Variants in PALS2 observed in about 807,000 individuals in gnomAD.
PALS2 encodes protein PALS2.
A neutral mutation model predicts 61.6 loss-of-function variants in PALS2; 27 were observed. The ratio of observed to expected loss-of-function variants is 0.44; its 90% CI spans 0.32 to 0.60. PALS2 has a LOEUF of 0.60. Among genes scored for constraint, PALS2 ranks in the 20% least tolerant of loss-of-function variants. The pLI, the probability that PALS2 is intolerant of heterozygous loss-of-function variation, is 0.05. For synonymous variants in PALS2, 236 were observed against 218.6 expected, an observed-to-expected ratio of 1.08 and a Z score of -0.70; for missense variants, 554 against 639.4, an observed-to-expected ratio of 0.87 and a Z score of 1.44.
intron 5 of PALS2, among the ~76,000 whole-genome samples, chr7:24,651,992 G>A (rs1786177123): frequency 6.6e-6 from 1 of 152,068 alleles, no homozygotes; most frequent in East Asian, 1.9e-4. Flanking sequence ...TGAAATGAAG[G>A]TAGTTTTGTG....
intron 1 of PALS2, among the ~76,000 whole-genome samples, chr7:24,599,144 A>G (rs965757404): frequency 6.6e-6 from 1 of 152,162 alleles, no homozygotes; most frequent in Non-Finnish European, 1.5e-5. Context: ...GATTGTACTA[A>G]CACACACATA....
intron 1 of PALS2, among the ~76,000 whole-genome samples, chr7:24,584,027 T>C (rs1782956471): frequency 6.7e-6 from 1 of 150,234 alleles, no homozygotes; most frequent in African/African-American, 2.4e-5. Context: ...TTCCATGGTG[T>C]ATATGTGCCA....
At chr7:24,664,083 T>C (rs1383443370) in intron 6 of PALS2, among the ~76,000 whole-genome samples, 4 of 152,182 alleles carry the variant, frequency 2.6e-5, no homozygotes, top group African/African-American at 9.6e-5. Context: ...TAGGAGACTT[T>C]TACTGTGAAA....
At chr7:24,581,255 G>A (rs966058513) in intron 1 of PALS2, among the ~76,000 whole-genome samples, 1 of 90,504 alleles carries the variant, frequency 1.1e-5, no homozygotes, top group Non-Finnish European at 2.1e-5. Context: ...GTGTGTGTGT[G>A]TGTGTGTGTG....
intron 8 of PALS2, 26 bp from the exon 9 acceptor site, chr7:24,668,473 G>T: frequency 6.3e-7 from 1 of 1,596,212 alleles, no homozygotes; most frequent in Non-Finnish European, 8.6e-7. Context: ...AGTTGACTTT[G>T]TATTCCCATT....
At chr7:24,595,545 TA>T (rs1392628546) in intron 1 of PALS2, among the ~76,000 whole-genome samples, 18 of 137,178 alleles carry the variant, frequency 1.3e-4, no homozygotes, top group African/African-American at 4.1e-4. Flanking sequence ...ATATAATATA[TA>T]AATATATATT....
intron 2 of PALS2, among the ~76,000 whole-genome samples, chr7:24,631,463 G>T (rs966239521): frequency 1.3e-5 from 2 of 152,180 alleles, no homozygotes; most frequent in Non-Finnish European, 2.9e-5. Flanking sequence ...TCTTCAGATT[G>T]AATCTATTCC....
intron 1 of PALS2, among the ~76,000 whole-genome samples, chr7:24,585,491 A>T (rs987780687): frequency 1.2e-4 from 18 of 150,982 alleles, no homozygotes; most frequent in Non-Finnish European, 1.5e-4. Context: ...GTTTGAGATT[A>T]AAAAAAAATG....
At chr7:24,606,436 C>CT (rs1783901783) in intron 1 of PALS2, among the ~76,000 whole-genome samples, 1 of 152,036 alleles carries the variant, frequency 6.6e-6, no homozygotes, top group African/African-American at 2.4e-5. Context: ...TAAGTACTAT[C>CT]TTTATATTTT....
chr7:24,666,011 C>A lies in PALS2; in HGVS notation c.884-10C>A. 6.2e-7 allele frequency: 1 copy of A among 1,600,116 alleles called. No homozygotes were observed. The highest frequency in any genetic ancestry group is 8.5e-7 in the Non-Finnish European group (1 of 1,169,982). On this transcript the variant is annotated splice_polypyrimidine_tract_variant and intron_variant, in intron 7 of 11. Transcript: ENST00000222644. ...ACTGCTTAAGTTATATTTGTTTTAT[C>A]ATCCTTCAGGACCTTTTTGTGGAAC...
intron 5 of PALS2, among the ~76,000 whole-genome samples, chr7:24,654,372 G>T (rs909199819): frequency 6.6e-6 from 1 of 152,070 alleles, no homozygotes; most frequent in African/African-American, 2.4e-5. Flanking sequence ...TCATGTTTTT[G>T]CATAGAAACC....
Position 24,650,565 on chromosome 7 carries a change from A to G in PALS2, c.504A>G (p.Leu168=), listed in dbSNP as rs376800709. 36 of 1,613,494 alleles carry G rather than the reference A, an allele frequency of 2.2e-5. No homozygotes were observed. Among genetic ancestry groups the G allele is most frequent in the Non-Finnish European group, 2.8e-5 (33 of 1,179,672 alleles). ...LHGGMIDRQG[L]LHVGDIIKEV... ...GGGGAATGATAGATCGACAAGGTCT[A>G]CTTCATGTGGGAGATATAATTAAAG... Residue 168 remains leucine (L), a synonymous_variant, in exon 5 of 12, where the codon CTA becomes CTG. Coordinates refer to ENST00000222644, the MANE Select transcript of PALS2 (RefSeq NM_001303037.2).
chr7:24,582,799 A>G lies in PALS2; in HGVS notation c.-3+9206A>G, dbSNP rs149046912. Among the ~76,000 whole-genome samples, 71 of 151,952 alleles carry G rather than the reference A, an allele frequency of 4.7e-4. 1 individual carries two copies. Among genetic ancestry groups the G allele is most frequent in the Admixed American group, 3.5e-3 (54 of 15,256 alleles). ...AACTCCAATAATTGGGTTTCTTATA[A>G]AGAGCTTTGATATAAGAAACTCAGA... On this transcript the variant is annotated intron_variant, in intron 1 of 11. Transcript: ENST00000222644.
At chr7:24,579,343 A>G (rs1027341023) in intron 1 of PALS2, among the ~76,000 whole-genome samples, 2 of 152,232 alleles carry the variant, frequency 1.3e-5, no homozygotes, top group East Asian at 1.9e-4. Flanking sequence ...ATGTGGTTGA[A>G]ATTTCTGAAG....
intron 2 of PALS2, among the ~76,000 whole-genome samples, chr7:24,633,166 G>A (rs1272368505): frequency 1.3e-5 from 2 of 151,664 alleles, no homozygotes; most frequent in Non-Finnish European, 2.9e-5. Context: ...TCTAGCACTC[G>A]TCTTTATATC....
At chr7:24,678,144 TTTC>T (rs1787721465) in intron 9 of PALS2, among the ~76,000 whole-genome samples, 2 of 152,156 alleles carry the variant, frequency 1.3e-5, no homozygotes, top group Non-Finnish European at 2.9e-5. Context: ...AAAAATTACT[TTTC>T]TTCTTCAAAG....
At chr7:24,602,874 A>C (rs1241627645) in intron 1 of PALS2, among the ~76,000 whole-genome samples, 1 of 152,102 alleles carries the variant, frequency 6.6e-6, no homozygotes, top group African/African-American at 2.4e-5. Context: ...ATAGTAAATG[A>C]GTTCTCACAA....
chr7:24,597,426 G>T (rs1783564740), intron 1 of PALS2, among the ~76,000 whole-genome samples: 2 of 152,118 alleles, frequency 1.3e-5, no homozygotes, highest in Admixed American at 6.6e-5. Flanking sequence ...GTGGAGAACT[G>T]GAAAGATAAC....
Position 24,573,664 on chromosome 7 carries a change from T to A in PALS2, c.-3+71T>A. ...CGCGCCGGGCCGGCCGGGGGCGCCC[T>A]GTTGCTCGGCGCGGCGCGCCACGCG... On this transcript the variant is annotated intron_variant, in intron 1 of 11. Transcript: ENST00000222644. The surrounding 1 kb of genome is among the most constrained non-coding windows in gnomAD (Gnocchi z 5.3). The A allele has an allele frequency of 4.3e-6, 1 of 232,282 alleles. No homozygotes were observed. The highest frequency in any genetic ancestry group is 8.3e-6 in the Non-Finnish European group (1 of 121,046). The allele number at this position is 232,282 out of a possible 1,614,324, so 14.4% of individuals were successfully genotyped here. A position where few individuals can be genotyped will look rare whatever the true frequency, so the allele number is the denominator to read the frequency against.
Sources: allele counts gnomAD v4.1 joint callset (sites outside exome capture counted in the v4.1 genomes callset), GRCh38; gene constraint gnomAD v4.1.1; non-coding constraint Gnocchi (gnomAD v3.1); transcripts MANE v1.5; gene names NCBI Gene and HGNC (gene_info 2026-07-23, HGNC 2026-07-21).